Variants in EPB41L4A observed in about 807,000 individuals in gnomAD.
EPB41L4A encodes the protein band 4.1-like protein 4A.
A neutral mutation model predicts 108.6 loss-of-function variants in EPB41L4A; 100 were observed. The observed-to-expected ratio is 0.92, with a 90% CI of 0.78 to 1.09. EPB41L4A has a LOEUF of 1.09. Among genes scored for constraint, EPB41L4A ranks in the 50% least tolerant of loss-of-function variants. The pLI is 0.00. For synonymous variants in EPB41L4A, 319 were observed against 289.0 expected (o/e 1.10, Z -1.05); for missense variants, 1,030 against 842.7 (o/e 1.22, Z -2.75).
chr5:112,403,781 T>C (rs1427734002), intron 1 of EPB41L4A, among the ~76,000 whole-genome samples: 3 of 152,226 alleles, frequency 2.0e-5, no homozygotes, highest in Non-Finnish European at 2.9e-5. Context: ...GCTTCATTTT[T>C]GAAACACATC....
chr5:112,260,476 G>C (rs532680823), intron 7 of EPB41L4A, among the ~76,000 whole-genome samples: 1 of 152,304 alleles, frequency 6.6e-6, no homozygotes, highest in East Asian at 1.9e-4. Context: ...TGAATGGCTT[G>C]ATTTATCTCC....
intron 1 of EPB41L4A, among the ~76,000 whole-genome samples, chr5:112,416,280 T>C (rs1261080914): frequency 6.6e-6 from 1 of 152,174 alleles, no homozygotes; most frequent in Admixed American, 6.5e-5. Flanking sequence ...CTCATATTTC[T>C]TCCACCTTAA....
intron 1 of EPB41L4A, among the ~76,000 whole-genome samples, chr5:112,358,501 T>C (rs967829677): frequency 1.3e-5 from 2 of 152,150 alleles, no homozygotes; most frequent in African/African-American, 4.8e-5. Context: ...CCCCTTGCAA[T>C]CACAGAAAAA....
chr5:112,259,101 G>A (rs1751314033), intron 9 of EPB41L4A, 128 bp downstream of exon 9: 2 of 709,920 alleles, frequency 2.8e-6, no homozygotes, highest in East Asian at 2.6e-5. Flanking sequence ...AGTTGTGCAT[G>A]TGAGTTAATT....
intron 1 of EPB41L4A, among the ~76,000 whole-genome samples, chr5:112,393,465 C>T (rs932415886): frequency 2.6e-5 from 4 of 152,198 alleles, no homozygotes; most frequent in African/African-American, 9.6e-5. Flanking sequence ...ATAGACACCT[C>T]TACGCAAATA....
chr5:112,306,146 G>C (rs1754667424), intron 2 of EPB41L4A, among the ~76,000 whole-genome samples: 1 of 152,080 alleles, frequency 6.6e-6, no homozygotes, highest in Non-Finnish European at 1.5e-5. Context: ...GAAAACTGTA[G>C]TTTTCTCTGC....
At chr5:112,348,589 G>C (rs1757835651) in intron 1 of EPB41L4A, among the ~76,000 whole-genome samples, 1 of 152,264 alleles carries the variant, frequency 6.6e-6, no homozygotes, top group South Asian at 2.1e-4. Context: ...AGGTGGGGGA[G>C]GGGTGAGCTC....
chr5:112,298,246 T>C (rs915767724), intron 2 of EPB41L4A, among the ~76,000 whole-genome samples: 2 of 152,102 alleles, frequency 1.3e-5, no homozygotes, highest in African/African-American at 2.4e-5. Context: ...TTATTGATTC[T>C]ACCCATCCAC....
intron 1 of EPB41L4A, among the ~76,000 whole-genome samples, chr5:112,339,542 A>ATATCTATATATATT (rs371198329): frequency 1.8e-5 from 2 of 110,684 alleles, no homozygotes; most frequent in Admixed American, 1.2e-4. Context: ...ATATATATAT[A>ATATCTATATATATT]TTTTTTTTTT....
chr5:112,195,001 C>T (rs1580407350), intron 16 of EPB41L4A, among the ~76,000 whole-genome samples: 1 of 152,148 alleles, frequency 6.6e-6, no homozygotes, highest in Non-Finnish European at 1.5e-5. Context: ...GTAACCCTCC[C>T]ATCCGCCCCA....
At chr5:112,293,661 A>C (rs1753803650) in intron 2 of EPB41L4A, among the ~76,000 whole-genome samples, 1 of 152,220 alleles carries the variant, frequency 6.6e-6, no homozygotes, top group Non-Finnish European at 1.5e-5. Flanking sequence ...ACTGAAGACC[A>C]ATCAGTCAAA....
intron 1 of EPB41L4A, among the ~76,000 whole-genome samples, chr5:112,349,595 C>T (rs1178631401): frequency 6.6e-6 from 1 of 152,176 alleles, no homozygotes; most frequent in Non-Finnish European, 1.5e-5. Flanking sequence ...ATTATGCTGA[C>T]ACTGTTAGAT....
chr5:112,182,817 GT>G (rs1194277269), intron 18 of EPB41L4A, among the ~76,000 whole-genome samples: 1 of 62,698 alleles, frequency 1.6e-5, no homozygotes. Context: ...TTGGGGGAAG[GT>G]GCTATCTCAC....
exon 14 of EPB41L4A, chr5:112,142,596 G>C (rs866590648): frequency 6.6e-6 from 1 of 152,156 alleles, no homozygotes; most frequent in Non-Finnish European, 1.5e-5. Context: ...TCTAAGAACA[G>C]ATTTATTTTA....
At chr5:112,344,999 T>C (rs1757547585) in intron 1 of EPB41L4A, among the ~76,000 whole-genome samples, 1 of 152,238 alleles carries the variant, frequency 6.6e-6, no homozygotes, top group Non-Finnish European at 1.5e-5. Context: ...CTATATTATT[T>C]CCTCATTTAT....
intron 12 of EPB41L4A, among the ~76,000 whole-genome samples, chr5:112,157,367 A>G (rs1220242982): frequency 6.6e-6 from 1 of 152,240 alleles, no homozygotes; most frequent in East Asian, 1.9e-4. Context: ...GAGATGGGAC[A>G]AGAAATGGTG....
chr5:112,218,285 C>T (rs1193261016), intron 12 of EPB41L4A, among the ~76,000 whole-genome samples: 1 of 152,204 alleles, frequency 6.6e-6, no homozygotes, highest in African/African-American at 2.4e-5. Flanking sequence ...GCACATTGTT[C>T]CTTCAAGCCC....
intron 2 of EPB41L4A, among the ~76,000 whole-genome samples, chr5:112,289,449 G>A (rs984453926): frequency 6.6e-6 from 1 of 152,186 alleles, no homozygotes; most frequent in Non-Finnish European, 1.5e-5. Flanking sequence ...TTGAGTGGCA[G>A]GGGGTTTGGG....
chr5:112,410,856 T>C (rs977887814), intron 1 of EPB41L4A, among the ~76,000 whole-genome samples: 1 of 152,156 alleles, frequency 6.6e-6, no homozygotes, highest in African/African-American at 2.4e-5. Flanking sequence ...CATATTGCCA[T>C]ATACAAATAT....
Sources: allele counts gnomAD v4.1 joint callset (sites outside exome capture counted in the v4.1 genomes callset), GRCh38; gene constraint gnomAD v4.1.1; transcripts MANE v1.5; gene names NCBI Gene and HGNC (gene_info 2026-07-23, HGNC 2026-07-21).